Variants in MTERF4 observed in about 807,000 individuals in gnomAD.
MTERF4 encodes mitochondrial transcription termination factor 4.
A neutral mutation model predicts 22.5 loss-of-function variants in MTERF4; 17 were observed. That is an observed-to-expected ratio of 0.75 (90% confidence interval 0.52 to 1.13). The LOEUF is 1.13. MTERF4 is among the 50% of genes most tolerant of loss of function. The pLI is 0.00. For missense variants in MTERF4, 420 were observed against 466.8 expected (o/e 0.90, Z 0.92); for synonymous variants, 165 against 175.3 (o/e 0.94, Z 0.47).
chr2:241,048,316 A>G, the MTERF4 span: 1 of 1,598,908 alleles, frequency 6.3e-7, no homozygotes, highest in Non-Finnish European at 8.5e-7. Context: ...TTCTTGCAGG[A>G]GACCATCCAG....
downstream of MTERF4, among the ~76,000 whole-genome samples, chr2:241,068,525 G>T (rs966960062): frequency 6.6e-6 from 1 of 152,162 alleles, no homozygotes; most frequent in Non-Finnish European, 1.5e-5. This position sits in a 1 kb window ranked among gnomAD's most constrained non-coding sequence, Gnocchi z 5.3. Context: ...TGGGGCTGGG[G>T]TGGCATTGGC....
At chr2:241,071,367 C>T, downstream of MTERF4, 1 of 616,694 alleles carries the variant, frequency 1.6e-6, no homozygotes, top group Admixed American at 2.7e-5. Flanking sequence ...CATGGCTCCT[C>T]CTCAGAAGGG....
downstream of MTERF4, among the ~76,000 whole-genome samples, chr2:241,069,641 G>T (rs566301633): frequency 2.0e-5 from 3 of 152,166 alleles, no homozygotes; most frequent in Non-Finnish European, 2.9e-5. The surrounding 1 kb of genome is among the most constrained non-coding windows in gnomAD (Gnocchi z 4.9). Flanking sequence ...CGACTGTGCC[G>T]CAGGGAGGGC....
At chr2:241,055,550 A>G in the MTERF4 span, among the ~76,000 whole-genome samples, 1 of 152,204 alleles carries the variant, frequency 6.6e-6, no homozygotes, top group Admixed American at 6.5e-5. Flanking sequence ...AAGGAACATC[A>G]TGAAGCCTAT....
At chr2:241,079,064 A>G (rs2063193825) in intron 4 of MTERF4, among the ~76,000 whole-genome samples, 1 of 145,856 alleles carries the variant, frequency 6.9e-6, no homozygotes, top group Non-Finnish European at 1.5e-5. Context: ...CAGCGAGCCG[A>G]GATCGCACCA....
the MTERF4 span, chr2:241,065,186 G>A: frequency 0.011 from 11,891 of 1,107,758 alleles, 686 homozygotes; most frequent in South Asian, 0.11. Flanking sequence ...CTCTGCCAGC[G>A]ATGGCTGTGT....
At chr2:241,063,881 G>A in the MTERF4 span, 9 of 780,188 alleles carry the variant, frequency 1.2e-5, no homozygotes, top group African/African-American at 1.7e-5. Flanking sequence ...CTGAGGGGCG[G>A]GACCTGCCCA....
At chr2:241,063,944 G>T in the MTERF4 span, 4 of 1,194,434 alleles carry the variant, frequency 3.3e-6, no homozygotes, top group Non-Finnish European at 4.8e-6. Flanking sequence ...CCTTCTTCCC[G>T]CTGTCCTCTC....
intron 4 of MTERF4, among the ~76,000 whole-genome samples, chr2:241,076,691 C>A (rs1424591211): frequency 6.6e-6 from 1 of 151,884 alleles, no homozygotes; most frequent in Non-Finnish European, 1.5e-5. Context: ...CATGGTGAAA[C>A]CTGTTGGTGT....
intron 4 of MTERF4, among the ~76,000 whole-genome samples, chr2:241,077,915 G>A (rs1018291354): frequency 6.6e-6 from 1 of 152,140 alleles, no homozygotes; most frequent in Non-Finnish European, 1.5e-5. Flanking sequence ...AAACAGTCTG[G>A]CAGTTCCTTA....
chr2:241,065,467 C>T, the MTERF4 span: 1 of 1,613,004 alleles, frequency 6.2e-7, no homozygotes, highest in Non-Finnish European at 8.5e-7. Context: ...GTGGACAGGA[C>T]CCGCTCCTCG....
At chr2:241,081,014 C>T (rs1468986099) in intron 4 of MTERF4, among the ~76,000 whole-genome samples, 2 of 152,168 alleles carry the variant, frequency 1.3e-5, no homozygotes, top group East Asian at 3.9e-4. Flanking sequence ...GTGCAAGGCC[C>T]GTGGGGACTT....
the MTERF4 span, chr2:241,064,946 A>C: frequency 6.3e-7 from 1 of 1,584,070 alleles, no homozygotes; most frequent in Non-Finnish European, 8.6e-7. This position sits in a 1 kb window ranked among gnomAD's most constrained non-coding sequence, Gnocchi z 7.0. Flanking sequence ...ACGGGCGAGG[A>C]CTGCGCCAAA....
chr2:241,068,451 C>T (rs1315343585), downstream of MTERF4, among the ~76,000 whole-genome samples: 2 of 151,940 alleles, frequency 1.3e-5, no homozygotes, highest in African/African-American at 4.8e-5. This position sits in a 1 kb window ranked among gnomAD's most constrained non-coding sequence, Gnocchi z 5.3. Flanking sequence ...GTGCTCAGCG[C>T]AGGCAGGGGT....
downstream of MTERF4, chr2:241,087,996 A>G: frequency 5.1e-6 from 2 of 394,776 alleles, no homozygotes; most frequent in Non-Finnish European, 4.5e-6. Context: ...CTTGTTTGGC[A>G]TTACCAAGTG....
At chr2:241,050,007 T>C in the MTERF4 span, 1 of 1,074,858 alleles carries the variant, frequency 9.3e-7, no homozygotes, top group Non-Finnish European at 1.4e-6. Context: ...CCTGCTTCTC[T>C]GCTGTCTCTC....
chr2:241,049,884 C>G, the MTERF4 span: 2 of 1,613,868 alleles, frequency 1.2e-6, no homozygotes, highest in Non-Finnish European at 1.7e-6. Context: ...ATGACGACTC[C>G]TACACCTGCG....
chr2:241,069,454 G>T (rs1450374897), downstream of MTERF4, among the ~76,000 whole-genome samples: 1 of 152,152 alleles, frequency 6.6e-6, no homozygotes, highest in Non-Finnish European at 1.5e-5. The surrounding 1 kb of genome is among the most constrained non-coding windows in gnomAD (Gnocchi z 4.9). Context: ...CAGTCAGCGC[G>T]CAGGGGAGGG....
chr2:241,050,495 C>A, the MTERF4 span, among the ~76,000 whole-genome samples: 1 of 152,126 alleles, frequency 6.6e-6, no homozygotes, highest in Non-Finnish European at 1.5e-5. Flanking sequence ...TGACCTGGCA[C>A]CCTCTCCAGG....
Sources: gnomAD v4.1 joint callset for allele counts (sites outside exome capture counted in the v4.1 genomes callset) on GRCh38, gnomAD v4.1.1 for gene constraint, Gnocchi (gnomAD v3.1) non-coding constraint, MANE v1.5 for transcripts, NCBI Gene and HGNC (gene_info 2026-07-23, HGNC 2026-07-21) for gene names.